The following PRKG1 variants were observed in gnomAD, a reference collection of about 807,000 sequenced individuals.
PRKG1 encodes the protein protein kinase cGMP-dependent 1, also known as cGMP-dependent protein kinase 1.
Under a neutral mutation model 88.1 loss-of-function variants are expected in PRKG1, and 35 were observed. That is an observed-to-expected ratio of 0.40 (90% CI 0.30 to 0.53). The LOEUF is 0.53. Ranked by LOEUF, PRKG1 falls within the 20% of genes least tolerant of loss-of-function variation. The pLI, the probability that PRKG1 is intolerant of heterozygous loss-of-function variation, is 0.59. For missense variants in PRKG1, 540 were observed against 839.8 expected (o/e 0.64, Z 4.41); for synonymous variants, 303 against 292.5 (o/e 1.04, Z -0.37).
chr10:52,175,779 C>T (rs1025271459), intron 9 of PRKG1, among the ~76,000 whole-genome samples: 4 of 151,956 alleles, frequency 2.6e-5, no homozygotes, highest in African/African-American at 9.7e-5. Flanking sequence ...ATTTGTTGGC[C>T]ATTTGTATGT....
intron 3 of PRKG1, among the ~76,000 whole-genome samples, chr10:51,670,848 T>C (rs1840556090): frequency 6.6e-6 from 1 of 151,996 alleles, no homozygotes; most frequent in Non-Finnish European, 1.5e-5. Context: ...ATTTTTATCC[T>C]ACTCCTGAAT....
chr10:51,005,982 A>G (rs1361474738), intron 1 of PRKG1, among the ~76,000 whole-genome samples: 2 of 152,136 alleles, frequency 1.3e-5, no homozygotes, highest in Non-Finnish European at 2.9e-5. Context: ...CTGTTTGTAG[A>G]TATTCTAACG....
intron 5 of PRKG1, among the ~76,000 whole-genome samples, chr10:51,957,551 C>T (rs1843344802): frequency 6.6e-6 from 1 of 152,124 alleles, no homozygotes; most frequent in Admixed American, 6.6e-5. Context: ...TACTGGCTTC[C>T]CCAATTGCTG....
chr10:52,227,275 C>A (rs1840410831), intron 9 of PRKG1, among the ~76,000 whole-genome samples: 1 of 152,040 alleles, frequency 6.6e-6, no homozygotes, highest in East Asian at 1.9e-4. Context: ...TGAGGTGATG[C>A]ATTTCATAAT....
intron 10 of PRKG1, among the ~76,000 whole-genome samples, chr10:52,266,666 T>C (rs984502445): frequency 5.3e-5 from 8 of 152,012 alleles, no homozygotes; most frequent in African/African-American, 1.7e-4. Context: ...CTTTGTTTGA[T>C]ACATAACACT....
At chr10:51,573,829 A>T (rs1014461684) in intron 3 of PRKG1, among the ~76,000 whole-genome samples, 10 of 151,912 alleles carry the variant, frequency 6.6e-5, no homozygotes, top group African/African-American at 2.4e-4. Flanking sequence ...GTTTAAAAGC[A>T]GGTAGAAATT....
chr10:52,041,873 T>C (rs535069217), intron 5 of PRKG1, among the ~76,000 whole-genome samples: 1 of 152,206 alleles, frequency 6.6e-6, no homozygotes, highest in African/African-American at 2.4e-5. Context: ...ACAAAATCAA[T>C]ATATTTAAAT....
intron 2 of PRKG1, among the ~76,000 whole-genome samples, chr10:51,202,087 C>G (rs1257608872): frequency 6.6e-6 from 1 of 152,180 alleles, no homozygotes; most frequent in African/African-American, 2.4e-5. Context: ...TGGACCTTCT[C>G]TACTAGGTGG....
At chr10:51,393,776 A>G (rs966717213) in intron 2 of PRKG1, among the ~76,000 whole-genome samples, 2 of 152,174 alleles carry the variant, frequency 1.3e-5, no homozygotes, top group African/African-American at 4.8e-5. Flanking sequence ...CATTAGTCAT[A>G]TGACTTTTGT....
At chr10:51,536,145 A>C (rs1564539326) in intron 3 of PRKG1, among the ~76,000 whole-genome samples, 1 of 152,212 alleles carries the variant, frequency 6.6e-6, no homozygotes, top group East Asian at 1.9e-4. Context: ...GTGTGGAAAG[A>C]ATCATAAAAA....
At chr10:51,887,807 A>T (rs1841610887) in intron 4 of PRKG1, among the ~76,000 whole-genome samples, 1 of 151,986 alleles carries the variant, frequency 6.6e-6, no homozygotes, top group African/African-American at 2.4e-5. Context: ...TTTGCTATTG[A>T]GTTGTAGGAG....
chr10:52,169,718 G>A (rs1466211049), intron 9 of PRKG1, among the ~76,000 whole-genome samples: 1 of 152,164 alleles, frequency 6.6e-6, no homozygotes, highest in African/African-American at 2.4e-5. Context: ...CCTTGCAAAG[G>A]CTACAAATGA....
intron 1 of PRKG1, among the ~76,000 whole-genome samples, chr10:51,121,361 T>C (rs1429772597): frequency 1.3e-5 from 2 of 152,172 alleles, no homozygotes; most frequent in Non-Finnish European, 2.9e-5. Flanking sequence ...TGGAGGAAAT[T>C]ATTATATTAT....
chr10:51,479,724 T>C (rs1441538785), intron 3 of PRKG1, among the ~76,000 whole-genome samples: 1 of 152,148 alleles, frequency 6.6e-6, no homozygotes, highest in African/African-American at 2.4e-5. Context: ...TTGGAAGCTG[T>C]TATGCATGCC....
intron 3 of PRKG1, among the ~76,000 whole-genome samples, chr10:51,636,580 A>C (rs1183645654): frequency 6.6e-6 from 1 of 152,142 alleles, no homozygotes; most frequent in Non-Finnish European, 1.5e-5. Flanking sequence ...GTTCTAGGCC[A>C]CCCTAAGAGC....
intron 1 of PRKG1, among the ~76,000 whole-genome samples, chr10:51,119,100 T>C (rs1845202108): frequency 6.6e-6 from 1 of 152,118 alleles, no homozygotes; most frequent in Admixed American, 6.6e-5. Context: ...ATTTACTGTC[T>C]TAGTAGTTTG....
At chr10:52,102,218 C>T (rs149862656) in intron 7 of PRKG1, among the ~76,000 whole-genome samples, 2 of 152,102 alleles carry the variant, frequency 1.3e-5, no homozygotes, top group East Asian at 1.9e-4. Flanking sequence ...GGACAATGCC[C>T]CTGGGCCACC....
At chr10:51,705,550 G>A (rs1021988443) in intron 3 of PRKG1, among the ~76,000 whole-genome samples, 7 of 152,200 alleles carry the variant, frequency 4.6e-5, no homozygotes, top group African/African-American at 1.7e-4. Flanking sequence ...AACTCAGAGA[G>A]TTATTATGTA....
At chr10:51,431,708 T>A (rs1454156594) in intron 2 of PRKG1, among the ~76,000 whole-genome samples, 2 of 152,184 alleles carry the variant, frequency 1.3e-5, no homozygotes, top group Non-Finnish European at 1.5e-5. Context: ...TTAATACAAT[T>A]GGCTTTTGAT....
Sources: allele counts gnomAD v4.1 joint callset (sites outside exome capture counted in the v4.1 genomes callset), GRCh38; gene constraint gnomAD v4.1.1; transcripts MANE v1.5; gene names NCBI Gene and HGNC (gene_info 2026-07-23, HGNC 2026-07-21).